The following PDE4B variants were observed in gnomAD, a reference collection of about 807,000 sequenced individuals.
PDE4B encodes the protein phosphodiesterase 4B.
PDE4B carries 20 observed loss-of-function variants against 82.2 expected under a neutral mutation model. The ratio of observed to expected loss-of-function variants is 0.24; its 90% CI spans 0.17 to 0.35. The LOEUF is 0.35. PDE4B is among the 10% of genes least tolerant of loss of function. The probability of loss-of-function intolerance (pLI) is 1.00; values close to 1 mark genes in which losing one functional copy is unlikely to be tolerated. For missense variants in PDE4B, 655 were observed against 907.2 expected, an observed-to-expected ratio of 0.72 and a Z score of 3.57; for synonymous variants, 320 against 318.9, an observed-to-expected ratio of 1.00 and a Z score of -0.04.
intron 3 of PDE4B, among the ~76,000 whole-genome samples, chr1:66,189,192 C>T (rs1647494297): frequency 6.6e-6 from 1 of 152,078 alleles, no homozygotes; most frequent in Non-Finnish European, 1.5e-5. Flanking sequence ...AGAGTTTCTG[C>T]CAAGAGATCA....
chr1:66,065,655 T>C (rs547903262), intron 3 of PDE4B, among the ~76,000 whole-genome samples: 1 of 151,850 alleles, frequency 6.6e-6, no homozygotes, highest in Admixed American at 6.6e-5. Flanking sequence ...TTGGTGATCA[T>C]TTAGTCATCT....
At chr1:66,354,775 C>T (rs1020381032) in intron 8 of PDE4B, 42 of 1,530,800 alleles carry the variant, frequency 2.7e-5, no homozygotes, top group African/African-American at 6.9e-5. Context: ...CTGATCCTTT[C>T]GGGATTGCTC....
chr1:66,372,203 TTGATCTTTCTGAAGTTATTAA>T (rs2050810007), intron 16 of PDE4B, 89 bp from the exon 17 acceptor site: 2 of 1,128,440 alleles, frequency 1.8e-6, no homozygotes, highest in African/African-American at 3.1e-5. Context: ...TCCATTATGA[TTGATCTTTCTGAAGTTATTAA>T]TGTTCTTTCT....
At chr1:66,200,957 A>G (rs1298948969) in intron 3 of PDE4B, among the ~76,000 whole-genome samples, 1 of 152,276 alleles carries the variant, frequency 6.6e-6, no homozygotes, top group East Asian at 1.9e-4. Flanking sequence ...GTTTTTGCCC[A>G]TTCAGTATGA....
In PDE4B at chr1:66,338,243, A is replaced by G. The variant is rs192048274; in HGVS notation, c.747+5623A>G. Reference sequence around the variant, plus strand: ...AATCATAGAGCCAGGATTCATATCCAGTCCATCTGACTTACCATCAATGAT... The same window carrying G: ...AATCATAGAGCCAGGATTCATATCCGGTCCATCTGACTTACCATCAATGAT... On this transcript the variant is annotated intron_variant, in intron 8 of 16. Transcript: ENST00000341517. Among the ~76,000 whole-genome samples the G allele has an allele frequency of 2.0e-3, 303 of 152,382 alleles. 1 individual carries two copies. The highest frequency in any genetic ancestry group is 3.6e-3 in the Non-Finnish European group (244 of 68,034).
At chr1:66,145,478 C>T (rs747213666) in intron 3 of PDE4B, among the ~76,000 whole-genome samples, 9 of 152,112 alleles carry the variant, frequency 5.9e-5, no homozygotes, top group Non-Finnish European at 1.3e-4. Flanking sequence ...TAAAAGTTCC[C>T]AGGTATATAA....
chr1:66,126,713 A>G (rs1291835961), intron 3 of PDE4B, among the ~76,000 whole-genome samples: 1 of 152,176 alleles, frequency 6.6e-6, no homozygotes, highest in South Asian at 2.1e-4. Flanking sequence ...TGAATGATAA[A>G]ATTATTGGTG....
At chr1:65,988,713 T>C (rs1651084413) in intron 3 of PDE4B, among the ~76,000 whole-genome samples, 1 of 152,168 alleles carries the variant, frequency 6.6e-6, no homozygotes, top group African/African-American at 2.4e-5. Flanking sequence ...TCCAGCTTTG[T>C]ATTTACAATA....
At position 66,217,031 on chromosome 1, in the gene PDE4B, T is replaced by C. The variant is rs766504311; in HGVS notation, c.282-30429T>C. ...ATTACTCTCTTCTTACATCATCATG[T>C]CTGCTTCATTTGCTCCAAGTTTATT... On this transcript the variant is annotated intron_variant, in intron 3 of 16. Transcript: ENST00000341517. Among the ~76,000 whole-genome samples the C allele has an allele frequency of 5.9e-5, 9 of 152,246 alleles. No homozygotes were observed. The South Asian group carries it at 1.9e-3, about 32-fold the overall frequency.
intron 7 of PDE4B, among the ~76,000 whole-genome samples, chr1:66,269,634 A>G (rs911784133): frequency 6.6e-6 from 1 of 152,258 alleles, no homozygotes; most frequent in African/African-American, 2.4e-5. Context: ...ACTATTTGCA[A>G]CAGGAAAATG....
At chr1:65,994,720 A>G (rs574430288) in intron 3 of PDE4B, among the ~76,000 whole-genome samples, 3 of 152,260 alleles carry the variant, frequency 2.0e-5, no homozygotes, top group South Asian at 4.1e-4. Flanking sequence ...TTAAATTGCT[A>G]TTTTAACCAA....
At chr1:66,293,718 T>C (rs777857671) in intron 7 of PDE4B, among the ~76,000 whole-genome samples, 9 of 152,180 alleles carry the variant, frequency 5.9e-5, no homozygotes, top group Non-Finnish European at 8.8e-5. Context: ...CAGAAAAATC[T>C]TTAGAAACCA....
intron 3 of PDE4B, among the ~76,000 whole-genome samples, chr1:66,187,994 A>T (rs1403465051): frequency 6.9e-6 from 1 of 145,560 alleles, no homozygotes; most frequent in East Asian, 2.3e-4. Context: ...TTCCCTCTAC[A>T]CACTGCTTTG....
intron 1 of PDE4B, among the ~76,000 whole-genome samples, chr1:65,802,136 A>G (rs1254866522): frequency 2.0e-5 from 3 of 152,198 alleles, no homozygotes; most frequent in Admixed American, 6.5e-5. Context: ...AGTAACCAAT[A>G]ATTTGACATA....
chr1:66,057,574 A>G (rs773430300), intron 3 of PDE4B, among the ~76,000 whole-genome samples: 4 of 152,200 alleles, frequency 2.6e-5, no homozygotes, highest in Non-Finnish European at 5.9e-5. Flanking sequence ...ACAGTTCCAC[A>G]TGGCTGGGAG....
intron 7 of PDE4B, among the ~76,000 whole-genome samples, chr1:66,279,364 G>A (rs1656118835): frequency 6.6e-6 from 1 of 152,108 alleles, no homozygotes; most frequent in South Asian, 2.1e-4. Context: ...GACTCTGATT[G>A]TGAGTTTAAA....
At chr1:66,067,668 C>G (rs985959152) in intron 3 of PDE4B, among the ~76,000 whole-genome samples, 4 of 151,868 alleles carry the variant, frequency 2.6e-5, no homozygotes, top group East Asian at 1.9e-4. Context: ...AGTTTCTTTT[C>G]CTGTGCAGAA....
Position 66,108,681 on chromosome 1 carries a change from A to G in PDE4B, c.282-138779A>G, listed in dbSNP as rs557553965. Among the ~76,000 whole-genome samples, 12 of 85,952 alleles carry G rather than the reference A, an allele frequency of 1.4e-4. No individual in the cohort carries two copies. The South Asian group carries it at 2.7e-3, about 19-fold the overall frequency. 56.4% of individuals were successfully genotyped at this position (85,952 alleles called of 152,430 possible). The stretch of plus-strand genomic sequence containing the variant: ...CCAACAGGTTCATGAAAAATGTTCA[A>G]TGTCACTACTAATCATCAGGGAAAG... On this transcript the variant is annotated intron_variant, in intron 3 of 16. Coordinates refer to ENST00000341517, the MANE Select transcript of PDE4B (RefSeq NM_002600.4).
chr1:66,043,460 T>C (rs1654505305), intron 3 of PDE4B, among the ~76,000 whole-genome samples: 1 of 151,738 alleles, frequency 6.6e-6, no homozygotes, highest in East Asian at 1.9e-4. Flanking sequence ...TTCATTGAAC[T>C]GGCTTAGTGG....
Sources: allele counts gnomAD v4.1 joint callset (sites outside exome capture counted in the v4.1 genomes callset), GRCh38; gene constraint gnomAD v4.1.1; transcripts MANE v1.5; gene names NCBI Gene and HGNC (gene_info 2026-07-23, HGNC 2026-07-21).